SPIRE1: variants seen among roughly 807,000 people sequenced by gnomAD.
The protein encoded by SPIRE1 is spire type actin nucleation factor 1.
In SPIRE1, 40 loss-of-function variants were observed where a neutral mutation model predicts 94.1. That is an observed-to-expected ratio of 0.43 (90% CI 0.33 to 0.55). The LOEUF is 0.55. Among genes scored for constraint, SPIRE1 ranks in the 20% least tolerant of loss-of-function variants. The pLI is 0.06. For missense variants in SPIRE1, 838 were observed against 975.2 expected, an observed-to-expected ratio of 0.86 and a Z score of 1.87; for synonymous variants, 376 against 371.7, an observed-to-expected ratio of 1.01 and a Z score of -0.13.
chr18:12,521,920 C>T (rs1265111784), intron 4 of SPIRE1, among the ~76,000 whole-genome samples: 2 of 152,162 alleles, frequency 1.3e-5, no homozygotes, highest in African/African-American at 4.8e-5. Flanking sequence ...GCTCACTAGC[C>T]ATTCCCCCAT....
In SPIRE1 at chr18:12,456,444, T is replaced by A. The variant is rs535912017; in HGVS notation, c.1639-1961A>T. On this transcript the variant is annotated intron_variant, in intron 12 of 16. Coordinates refer to ENST00000409402, the MANE Select transcript of SPIRE1 (RefSeq NM_001128626.2). ...TGCTCTTATTTTTATTCATCAGTGA[T>A]GAGTATAAGTAGGGTATGCCTTCTG... Among the ~76,000 whole-genome samples the A allele has an allele frequency of 8.5e-5, 13 of 152,342 alleles. 1 individual carries two copies. The South Asian group carries it at 2.7e-3, about 32-fold the overall frequency.
intron 1 of SPIRE1, among the ~76,000 whole-genome samples, chr18:12,654,026 C>A (rs2144905065): frequency 6.6e-6 from 1 of 151,896 alleles, no homozygotes; most frequent in South Asian, 2.1e-4. Context: ...TACATATAAT[C>A]ATGATAAATA....
At chr18:12,657,077 C>T (rs772495871) in intron 1 of SPIRE1, among the ~76,000 whole-genome samples, 73 of 152,378 alleles carry the variant, frequency 4.8e-4, no homozygotes, top group Non-Finnish European at 2.9e-4. Context: ...GACAGCGGCA[C>T]TGAGGATCCG....
chr18:12,502,089 T>C (rs946597217), intron 6 of SPIRE1, among the ~76,000 whole-genome samples: 2 of 152,194 alleles, frequency 1.3e-5, no homozygotes, highest in African/African-American at 4.8e-5. Flanking sequence ...CTAAGCCTCA[T>C]CTAGGGTGCT....
intron 1 of SPIRE1, among the ~76,000 whole-genome samples, chr18:12,655,914 T>C (rs1469160475): frequency 6.6e-6 from 1 of 152,188 alleles, no homozygotes; most frequent in East Asian, 1.9e-4. Flanking sequence ...TGTATTTTTT[T>C]TTGAGACGGC....
At chr18:12,635,246 G>C (rs1016703791) in intron 1 of SPIRE1, 150 bp from the exon 2 acceptor site, 1 of 481,788 alleles carries the variant, frequency 2.1e-6, no homozygotes, top group African/African-American at 2.0e-5. Flanking sequence ...AAATATCCCT[G>C]AAGGTCCTAC....
chr18:12,636,235 A>T (rs533105021), intron 1 of SPIRE1: 1 of 152,296 alleles, frequency 6.6e-6, no homozygotes, highest in Non-Finnish European at 1.5e-5. Flanking sequence ...CTTAGATTTC[A>T]CTGACCTAAA....
At chr18:12,614,322 GCTT>G (rs932325400) in intron 2 of SPIRE1, among the ~76,000 whole-genome samples, 3 of 152,020 alleles carry the variant, frequency 2.0e-5, no homozygotes, top group Admixed American at 6.6e-5. Flanking sequence ...GATTTGACCT[GCTT>G]CTTTTTACTT....
intron 9 of SPIRE1, among the ~76,000 whole-genome samples, chr18:12,485,427 G>A (rs530023233): frequency 6.6e-6 from 1 of 152,236 alleles, no homozygotes; most frequent in South Asian, 2.1e-4. Flanking sequence ...CTCTTAATCA[G>A]CATTCAAAGT....
intron 8 of SPIRE1, among the ~76,000 whole-genome samples, chr18:12,489,360 G>A (rs1236523512): frequency 6.6e-6 from 1 of 152,124 alleles, no homozygotes; most frequent in Non-Finnish European, 1.5e-5. Context: ...TATTATCACA[G>A]CACTCTTCCA....
In SPIRE1 at chr18:12,582,892, A is replaced by G. The variant is rs141264072; in HGVS notation, c.373-35988T>C. On this transcript the variant is annotated intron_variant, in intron 2 of 16. Transcript: ENST00000409402. ...GGGGGTGTACTGGGGAAGGAAATAGACAGTCTGGACTCTACCATCATGGAA... is the reference window on the plus strand; with the variant it reads ...GGGGGTGTACTGGGGAAGGAAATAGGCAGTCTGGACTCTACCATCATGGAA... 1.8e-3 allele frequency among the ~76,000 whole-genome samples: 276 copies of G among 152,318 alleles called. 1 individual carries two copies. The highest frequency in any genetic ancestry group is 6.4e-3 in the African/African-American group (266 of 41,564).
chr18:12,630,864 GAGGGGTTTACA>G (rs1204461689), intron 2 of SPIRE1, among the ~76,000 whole-genome samples: 1 of 152,186 alleles, frequency 6.6e-6, no homozygotes, highest in Non-Finnish European at 1.5e-5. Context: ...AGAGTTGGGT[GAGGGGTTTACA>G]GAGGGAATGG....
At chr18:12,607,626 C>CACAT (rs1466973131) in intron 2 of SPIRE1, among the ~76,000 whole-genome samples, 1 of 151,844 alleles carries the variant, frequency 6.6e-6, no homozygotes, top group African/African-American at 2.4e-5. Flanking sequence ...CACACACACA[C>CACAT]ACACACACAC....
At chr18:12,519,464 C>A (rs76800350) in intron 4 of SPIRE1, among the ~76,000 whole-genome samples, 2,373 of 152,274 alleles carry the variant, frequency 0.016, 63 homozygotes, top group African/African-American at 0.054. Flanking sequence ...CATAGCTGGA[C>A]TGACATTATC....
chr18:12,496,241 G>T (rs1023737245), intron 6 of SPIRE1, 139 bp from the exon 7 acceptor site: 1 of 589,660 alleles, frequency 1.7e-6, no homozygotes, highest in Non-Finnish European at 3.0e-6. Context: ...CAATAAAGTG[G>T]GGAGTAAATG....
intron 3 of SPIRE1, among the ~76,000 whole-genome samples, chr18:12,536,130 G>A (rs11665415): frequency 0.049 from 7,406 of 152,158 alleles, 191 homozygotes; most frequent in South Asian, 0.096. Flanking sequence ...CAGCACAGAT[G>A]AGCTTACTAG....
intron 7 of SPIRE1, among the ~76,000 whole-genome samples, chr18:12,494,189 A>G (rs1201999088): frequency 6.6e-6 from 1 of 152,178 alleles, no homozygotes; most frequent in African/African-American, 2.4e-5. Flanking sequence ...TGGGGATTAC[A>G]GGTGTGAGCC....
intron 8 of SPIRE1, among the ~76,000 whole-genome samples, chr18:12,488,123 C>T (rs2033102754): frequency 1.3e-5 from 2 of 152,226 alleles, no homozygotes; most frequent in African/African-American, 4.8e-5. Context: ...CCCATATTCT[C>T]CAAAACTGCT....
Position 12,525,290 on chromosome 18 carries a change from A to AT in SPIRE1, c.729+10185_729+10186insA, listed in dbSNP as rs1157772070. The stretch of plus-strand genomic sequence containing the variant: ...AGACTCCGTCTCAAAAAAAAAAAAA[A>AT]AAAAAAAATAATAATAATAATAATA... On this transcript the variant is annotated intron_variant, in intron 4 of 16. Coordinates refer to ENST00000409402, the MANE Select transcript of SPIRE1 (RefSeq NM_001128626.2). Among the ~76,000 whole-genome samples the AT allele has an allele frequency of 7.8e-4, 114 of 146,448 alleles. 1 individual carries two copies. Among genetic ancestry groups the AT allele is most frequent in the East Asian group, 6.1e-3 (31 of 5,094 alleles).
Sources: allele counts gnomAD v4.1 joint callset (sites outside exome capture counted in the v4.1 genomes callset), GRCh38; gene constraint gnomAD v4.1.1; transcripts MANE v1.5; gene names NCBI Gene and HGNC (gene_info 2026-07-23, HGNC 2026-07-21).